UMAD1: variants seen among roughly 807,000 people sequenced by gnomAD.
UMAD1 encodes the protein UBAP1-MVB12-associated (UMA) domain containing 1, also known as UBAP1-MVB12-associated (UMA)-domain containing protein 1.
Under a neutral mutation model 6.1 loss-of-function variants are expected in UMAD1, and 8 were observed. The ratio of observed to expected loss-of-function variants is 1.30; its 90% CI spans 0.76 to 2.35. The LOEUF (loss-of-function observed/expected upper bound fraction) is 2.35. Ranked by LOEUF, UMAD1 falls within the 30% of genes most tolerant of loss-of-function variation. The pLI is 0.00. For synonymous variants in UMAD1, 56 were observed against 31.4 expected, an observed-to-expected ratio of 1.78 and a Z score of -2.61; for missense variants, 130 against 78.4, an observed-to-expected ratio of 1.66 and a Z score of -2.49.
intron 2 of UMAD1, among the ~76,000 whole-genome samples, chr7:7,737,087 G>A (rs1009565353): frequency 6.6e-6 from 1 of 152,256 alleles, no homozygotes; most frequent in African/African-American, 2.4e-5. Flanking sequence ...GCTACATTTT[G>A]CGAATCTGTC....
intron 2 of UMAD1, among the ~76,000 whole-genome samples, chr7:7,749,736 T>C (rs1000894658): frequency 6.6e-6 from 1 of 152,178 alleles, no homozygotes; most frequent in Non-Finnish European, 1.5e-5. Context: ...TAGCATATAT[T>C]GAGATTTTTG....
At chr7:7,680,962 G>C (rs1779894831) in intron 2 of UMAD1, among the ~76,000 whole-genome samples, 1 of 151,924 alleles carries the variant, frequency 6.6e-6, no homozygotes. Context: ...CATGTATCAT[G>C]GTTAGCATAT....
At chr7:7,718,734 A>T (rs546575179) in intron 2 of UMAD1, 1 of 152,346 alleles carries the variant, frequency 6.6e-6, no homozygotes, top group South Asian at 2.1e-4. Context: ...AGTAGCAGGC[A>T]GTTAAAAAGA....
intron 3 of UMAD1, among the ~76,000 whole-genome samples, chr7:7,816,405 A>G (rs1381540973): frequency 6.6e-6 from 1 of 152,226 alleles, no homozygotes; most frequent in Admixed American, 6.5e-5. Context: ...GCAGAACTAA[A>G]CTGAGTGTTC....
At chr7:7,654,796 C>G (rs1436975411) in intron 1 of UMAD1, among the ~76,000 whole-genome samples, 2 of 151,376 alleles carry the variant, frequency 1.3e-5, no homozygotes, top group Non-Finnish European at 1.5e-5. Context: ...CCCAGCTACT[C>G]TGGAGGCTGA....
chr7:7,660,783 G>C (rs1455225198), intron 1 of UMAD1, among the ~76,000 whole-genome samples: 1 of 152,062 alleles, frequency 6.6e-6, no homozygotes, highest in African/African-American at 2.4e-5. Context: ...TGTGTCTTGA[G>C]GTTGCTCTTA....
At chr7:7,735,202 T>C (rs191891728) in intron 2 of UMAD1, among the ~76,000 whole-genome samples, 79 of 151,986 alleles carry the variant, frequency 5.2e-4, no homozygotes, top group Middle Eastern at 6.8e-3. Flanking sequence ...CACACCACTC[T>C]TGAGGATACA....
rs180817303 is a variant in UMAD1 at position 7,806,962 on chromosome 7, A to G, written c.156+5219A>G. Among the ~76,000 whole-genome samples the G allele has an allele frequency of 5.9e-5, 9 of 152,298 alleles. 1 individual carries two copies. The highest frequency in any genetic ancestry group is 2.6e-4 in the Admixed American group (4 of 15,282). On this transcript the variant is annotated intron_variant, in intron 3 of 3. Coordinates refer to ENST00000682710, the MANE Select transcript of UMAD1 (RefSeq NM_001302348.2). The stretch of plus-strand genomic sequence containing the variant: ...ACCTTTGGAGAAGGTGGCTTTTAGT[A>G]TACCGAAAGAGGTTTCTTTTGGCAA...
chr7:7,681,733 C>T (rs1187819659), intron 2 of UMAD1, among the ~76,000 whole-genome samples: 1 of 152,098 alleles, frequency 6.6e-6, no homozygotes, highest in African/African-American at 2.4e-5. Context: ...AAGCATGGCA[C>T]TATTCGTAAT....
At chr7:7,774,415 G>T (rs1037281844) in intron 2 of UMAD1, among the ~76,000 whole-genome samples, 2 of 152,160 alleles carry the variant, frequency 1.3e-5, no homozygotes, top group African/African-American at 4.8e-5. Context: ...CTAGCCTAGC[G>T]TTGTGGGAAA....
chr7:7,858,506 C>G (rs1006043073), intron 3 of UMAD1, among the ~76,000 whole-genome samples: 1 of 152,174 alleles, frequency 6.6e-6, no homozygotes, highest in African/African-American at 2.4e-5. Context: ...CAGTTGAAAC[C>G]ATAGCAATGA....
intron 3 of UMAD1, among the ~76,000 whole-genome samples, chr7:7,841,314 CTTTT>C (rs35468754): frequency 8.0e-4 from 109 of 136,770 alleles, no homozygotes; most frequent in Non-Finnish European, 8.5e-4. Context: ...AACAAGTGAT[CTTTT>C]TTTTTTTTTT....
chr7:7,853,180 T>C (rs903457286), intron 3 of UMAD1, among the ~76,000 whole-genome samples: 5 of 152,246 alleles, frequency 3.3e-5, no homozygotes, highest in Admixed American at 6.5e-5. Flanking sequence ...TCGATTTCAT[T>C]GATCTATATC....
At chr7:7,725,454 C>T (rs965715183) in intron 2 of UMAD1, among the ~76,000 whole-genome samples, 2 of 152,180 alleles carry the variant, frequency 1.3e-5, no homozygotes, top group Non-Finnish European at 2.9e-5. Context: ...AAGTGAATCA[C>T]AGTGGAGGCC....
chr7:7,799,955 C>G (rs1319004084), intron 2 of UMAD1, among the ~76,000 whole-genome samples: 1 of 152,244 alleles, frequency 6.6e-6, no homozygotes, highest in Non-Finnish European at 1.5e-5. Context: ...GCGTTCTCGG[C>G]TCACTGCAAC....
chr7:7,800,722 A>G (rs1485435309), intron 2 of UMAD1, among the ~76,000 whole-genome samples: 1 of 152,222 alleles, frequency 6.6e-6, no homozygotes, highest in Non-Finnish European at 1.5e-5. Context: ...TTTGTGTTGC[A>G]TATGGAGAAA....
intron 1 of UMAD1, among the ~76,000 whole-genome samples, chr7:7,664,911 G>A (rs1349765715): frequency 6.6e-6 from 1 of 152,012 alleles, no homozygotes; most frequent in Non-Finnish European, 1.5e-5. Context: ...AAAGGAGGAA[G>A]GTTAAACATC....
At chr7:7,829,845 A>G (rs1325730553) in intron 3 of UMAD1, among the ~76,000 whole-genome samples, 1 of 152,176 alleles carries the variant, frequency 6.6e-6, no homozygotes, top group African/African-American at 2.4e-5. Context: ...GGCACCCTCA[A>G]GTCATGTGTG....
chr7:7,846,841 G>A (rs147287627), intron 3 of UMAD1, among the ~76,000 whole-genome samples: 3,450 of 139,684 alleles, frequency 0.025, 80 homozygotes, highest in African/African-American at 0.044. Context: ...TCACTCATAG[G>A]TGGGAATTGA....
Sources: gnomAD v4.1 joint callset for allele counts (sites outside exome capture counted in the v4.1 genomes callset) on GRCh38, gnomAD v4.1.1 for gene constraint, MANE v1.5 for transcripts, NCBI Gene and HGNC (gene_info 2026-07-23, HGNC 2026-07-21) for gene names.